Variants in ART1 observed in about 807,000 individuals in gnomAD.
ART1 encodes GPI-linked NAD(P)(+)--arginine ADP-ribosyltransferase 1.
Under a neutral mutation model 27.0 loss-of-function variants are expected in ART1, and 29 were observed. The ratio of observed to expected loss-of-function variants is 1.08; its 90% CI spans 0.80 to 1.47. ART1 has a LOEUF of 1.47. ART1 is among the 40% of genes most tolerant of loss of function. ART1 has a pLI of 0.00. For missense variants in ART1, 480 were observed against 423.0 expected (o/e 1.13, Z -1.18); for synonymous variants, 201 against 172.2 (o/e 1.17, Z -1.31).
chr11:3,655,445 G>T (rs1038318092), intron 1 of ART1: 2 of 152,210 alleles, frequency 1.3e-5, no homozygotes, highest in Non-Finnish European at 2.9e-5. Context: ...GTTGAAGGCT[G>T]TCCTTGAGAA....
intron 1 of ART1, chr11:3,655,503 G>A (rs2077566670): frequency 6.6e-6 from 1 of 152,196 alleles, no homozygotes; most frequent in Non-Finnish European, 1.5e-5. Context: ...ACAAAAAACA[G>A]GCTCCCAGGG....
At chr11:3,657,985 GA>G (rs1433615618) in intron 1 of ART1, among the ~76,000 whole-genome samples, 1 of 151,762 alleles carries the variant, frequency 6.6e-6, no homozygotes, top group Non-Finnish European at 1.5e-5. Flanking sequence ...TTTTTCTGAG[GA>G]AAAAAGGTAA....
At chr11:3,647,902 G>C (rs1406585454) in intron 1 of ART1, among the ~76,000 whole-genome samples, 2 of 152,020 alleles carry the variant, frequency 1.3e-5, no homozygotes, top group African/African-American at 4.8e-5. Context: ...TGTAAGAATG[G>C]TGGAAGAAGA....
At chr11:3,651,551 A>G (rs1009794988) in intron 1 of ART1, among the ~76,000 whole-genome samples, 1 of 149,028 alleles carries the variant, frequency 6.7e-6, no homozygotes, top group Admixed American at 6.6e-5. Context: ...ACTTGCCCTT[A>G]CGTTTTAGCC....
chr11:3,655,774 G>A (rs1164210813), intron 1 of ART1: 1 of 152,120 alleles, frequency 6.6e-6, no homozygotes, highest in Non-Finnish European at 1.5e-5. Context: ...TAGGGCACCA[G>A]TCCTGGGGCA....
chr11:3,652,493 C>T (rs1471569718), intron 1 of ART1, among the ~76,000 whole-genome samples: 2 of 152,078 alleles, frequency 1.3e-5, no homozygotes, highest in Non-Finnish European at 1.5e-5. Flanking sequence ...CAGCCACCAA[C>T]TTAAAAAGGA....
intron 3 of ART1, among the ~76,000 whole-genome samples, chr11:3,660,846 A>G (rs547106891): frequency 6.6e-6 from 1 of 152,354 alleles, no homozygotes; most frequent in Non-Finnish European, 1.5e-5. Context: ...GCAAGGAGAC[A>G]GCAGTTGGGT....
rs563782581 is a variant in ART1 at position 3,659,731 on chromosome 11, C to T, written c.212C>T (p.Ala71Val). The T allele has an allele frequency of 1.7e-5, 27 of 1,613,992 alleles. No homozygotes were observed. The highest frequency in any genetic ancestry group is 3.3e-5 in the Admixed American group (2 of 60,008). Residue 71 changes from alanine (A) to valine (V), a missense_variant, in exon 3 of 5, where the codon GCC becomes GTC. Transcript: ENST00000250693. ...LPDLNHTEFQ[A>V]NQVYADSWTL... ...GATCTCAACCACACGGAGTTCCAGGCCAACCAGGTGTATGCAGACAGCTGG... is the reference window on the plus strand; with the variant it reads ...GATCTCAACCACACGGAGTTCCAGGTCAACCAGGTGTATGCAGACAGCTGG...
At chr11:3,660,535 G>T (rs61878557) in intron 3 of ART1, among the ~76,000 whole-genome samples, 172 bp downstream of exon 3, 4,001 of 152,288 alleles carry the variant, frequency 0.026, 72 homozygotes, top group Non-Finnish European at 0.042. Context: ...ACCTTCTGAG[G>T]GGTGCACTTA....
At chr11:3,655,786 G>A (rs2077569764) in intron 1 of ART1, 2 of 152,166 alleles carry the variant, frequency 1.3e-5, no homozygotes, top group Admixed American at 1.3e-4. Flanking sequence ...CCTGGGGCAT[G>A]TGTTCCTCTC....
chr11:3,652,957 T>C (rs1261713739), intron 1 of ART1, among the ~76,000 whole-genome samples: 1 of 148,692 alleles, frequency 6.7e-6, no homozygotes, highest in Non-Finnish European at 1.5e-5. Flanking sequence ...TTCCATTTAG[T>C]TTTTCAATTC....
chr11:3,648,242 G>A (rs370650938), intron 1 of ART1, among the ~76,000 whole-genome samples: 74 of 152,258 alleles, frequency 4.9e-4, no homozygotes, highest in African/African-American at 1.7e-3. Context: ...CTGCACCCAG[G>A]TGATTAAAAG....
At chr11:3,657,641 A>C (rs1460356580) in intron 1 of ART1, among the ~76,000 whole-genome samples, 1 of 152,238 alleles carries the variant, frequency 6.6e-6, no homozygotes, top group Non-Finnish European at 1.5e-5. Context: ...GAGATCAATC[A>C]TATTCAGCAC....
intron 1 of ART1, among the ~76,000 whole-genome samples, chr11:3,656,125 G>T (rs905991583): frequency 1.3e-5 from 2 of 151,788 alleles, no homozygotes; most frequent in Admixed American, 1.3e-4. Context: ...GTAGAGATGG[G>T]GTTTCACCAT....
intron 3 of ART1, among the ~76,000 whole-genome samples, chr11:3,660,866 C>T (rs1319920034): frequency 6.6e-6 from 1 of 152,190 alleles, no homozygotes; most frequent in Non-Finnish European, 1.5e-5. Context: ...TGCTGTGCCC[C>T]TAAGGTCCAG....
intron 4 of ART1, among the ~76,000 whole-genome samples, chr11:3,662,005 G>A (rs960242535): frequency 6.6e-6 from 1 of 152,194 alleles, no homozygotes; most frequent in Non-Finnish European, 1.5e-5. Context: ...GAGAGATTCA[G>A]GCTGCACTGA....
chr11:3,661,169 G>C (rs927364588), intron 3 of ART1, among the ~76,000 whole-genome samples: 1 of 152,146 alleles, frequency 6.6e-6, no homozygotes, highest in Non-Finnish European at 1.5e-5. Context: ...CCCTGGCTCT[G>C]ATGGCCCACT....
chr11:3,655,913 G>A (rs1287924679), intron 1 of ART1, among the ~76,000 whole-genome samples: 1 of 145,294 alleles, frequency 6.9e-6, no homozygotes, highest in Non-Finnish European at 1.5e-5. Flanking sequence ...AGAGACCACA[G>A]ACAAGAGCTC....
At chr11:3,663,129 C>CTCATCTCATCTCATCTCA (rs1564787112) in intron 4 of ART1, among the ~76,000 whole-genome samples, 4 of 147,562 alleles carry the variant, frequency 2.7e-5, no homozygotes, top group African/African-American at 7.7e-5. Flanking sequence ...CTCATCTCAT[C>CTCATCTCATCTCATCTCA]TCATCTCATC....
Sources: allele counts gnomAD v4.1 joint callset (sites outside exome capture counted in the v4.1 genomes callset), GRCh38; gene constraint gnomAD v4.1.1; transcripts MANE v1.5; gene names NCBI Gene and HGNC (gene_info 2026-07-23, HGNC 2026-07-21).